The following TIMD4 variants were observed in gnomAD, a reference collection of about 807,000 sequenced individuals.
TIMD4 encodes T cell immunoglobulin and mucin domain containing 4.
TIMD4 carries 31 observed loss-of-function variants against 41.2 expected under a neutral mutation model. That is an observed-to-expected ratio of 0.75 (90% CI 0.57 to 1.01). The LOEUF (loss-of-function observed/expected upper bound fraction) is 1.01. TIMD4 is among the 50% of genes least tolerant of loss of function. The pLI, the probability that TIMD4 is intolerant of heterozygous loss-of-function variation, is 0.00. For synonymous variants in TIMD4, 204 were observed against 177.1 expected (o/e 1.15, Z -1.21); for missense variants, 479 against 472.5 (o/e 1.01, Z -0.13).
intron 6 of TIMD4, among the ~76,000 whole-genome samples, chr5:156,925,023 T>C (rs545046866): frequency 6.6e-6 from 1 of 152,094 alleles, no homozygotes; most frequent in South Asian, 2.1e-4. Context: ...AGAGAGAGAA[T>C]ATAGGCCAGG....
chr5:156,941,785 C>T (rs1190344962), intron 5 of TIMD4, among the ~76,000 whole-genome samples: 1 of 152,166 alleles, frequency 6.6e-6, no homozygotes, highest in Non-Finnish European at 1.5e-5. Context: ...TGTCCTATGC[C>T]ACATAAAGTG....
chr5:156,943,895 CAAA>C (rs70984420), intron 5 of TIMD4, among the ~76,000 whole-genome samples: 1 of 127,620 alleles, frequency 7.8e-6, no homozygotes, highest in African/African-American at 2.9e-5. Context: ...ACTAAAAATA[CAAA>C]AAAAAAAAAA....
chr5:156,920,634 G>C (rs967234486), intron 7 of TIMD4, 131 bp from the exon 8 acceptor site: 17 of 879,070 alleles, frequency 1.9e-5, no homozygotes, highest in Middle Eastern at 2.2e-4. Flanking sequence ...GGCTGGCTTT[G>C]GCAGAAAAAG....
chr5:156,952,130 A>G (rs1759873317), intron 2 of TIMD4, among the ~76,000 whole-genome samples: 1 of 151,946 alleles, frequency 6.6e-6, no homozygotes, highest in Non-Finnish European at 1.5e-5. Flanking sequence ...CCTCTACTAA[A>G]AATACAAAAA....
intron 5 of TIMD4, chr5:156,935,635 G>T (rs543415776): frequency 2.0e-5 from 3 of 152,154 alleles, no homozygotes; most frequent in Non-Finnish European, 2.9e-5. Flanking sequence ...CACATTTCAC[G>T]CAGATTAGGT....
intron 6 of TIMD4, 74 bp downstream of exon 6, chr5:156,926,189 C>T (rs1759344605): frequency 6.6e-7 from 1 of 1,505,342 alleles, no homozygotes; most frequent in Non-Finnish European, 9.2e-7. Context: ...TAGGCATGAG[C>T]CACCGTGCCT....
Position 156,919,451 on chromosome 5 carries a change from G to T in TIMD4, c.*6C>A. 1 of 1,612,578 alleles carries T rather than the reference G, an allele frequency of 6.2e-7. No homozygotes were observed. The highest frequency in any genetic ancestry group is 8.5e-7 in the Non-Finnish European group (1 of 1,178,652). On this transcript the variant is annotated 3_prime_UTR_variant, in exon 9 of 9. Coordinates refer to ENST00000274532, the MANE Select transcript of TIMD4 (RefSeq NM_138379.3). Reference sequence around the variant, plus strand: ...CCCATCCTCAATCTAACATGCTACTGCGTTGTTAGAGGGTAAAAAGGCCGT... The same window carrying T: ...CCCATCCTCAATCTAACATGCTACTTCGTTGTTAGAGGGTAAAAAGGCCGT...
At chr5:156,956,327 T>G (rs998376773) in intron 1 of TIMD4, among the ~76,000 whole-genome samples, 3 of 151,974 alleles carry the variant, frequency 2.0e-5, no homozygotes, top group African/African-American at 7.3e-5. Context: ...ATGGCAGCTG[T>G]GCCATAAAAA....
chr5:156,933,464 C>CA (rs1191902797), intron 5 of TIMD4, among the ~76,000 whole-genome samples: 2 of 151,130 alleles, frequency 1.3e-5, no homozygotes, highest in Admixed American at 6.6e-5. Flanking sequence ...CCAACCCCCC[C>CA]CCAAAAAAAG....
chr5:156,922,473 A>C (rs1490766746), intron 6 of TIMD4, among the ~76,000 whole-genome samples: 1 of 152,228 alleles, frequency 6.6e-6, no homozygotes, highest in African/African-American at 2.4e-5. Context: ...TGTGTTCTCC[A>C]TGGTCAAATC....
chr5:156,962,672 C>A (rs1248184757), intron 1 of TIMD4, among the ~76,000 whole-genome samples: 1 of 152,096 alleles, frequency 6.6e-6, no homozygotes, highest in African/African-American at 2.4e-5. Context: ...TTGCATCATC[C>A]AAAACCCAAA....
At chr5:156,951,005 CG>C (rs536935589) in intron 3 of TIMD4, among the ~76,000 whole-genome samples, 1,779 of 108,082 alleles carry the variant, frequency 0.016, 45 homozygotes, top group African/African-American at 0.049. Context: ...AACACCTCCT[CG>C]TACACACACA....
intron 3 of TIMD4, among the ~76,000 whole-genome samples, chr5:156,950,119 C>CT (rs11361881): frequency 1.3e-5 from 2 of 151,794 alleles, no homozygotes; most frequent in East Asian, 1.9e-4. Flanking sequence ...CACCTGGCCA[C>CT]TTTTTTTTTC....
intron 5 of TIMD4, among the ~76,000 whole-genome samples, chr5:156,934,283 T>C (rs1759499413): frequency 6.6e-6 from 1 of 152,032 alleles, no homozygotes; most frequent in Non-Finnish European, 1.5e-5. Context: ...TCTTGTTCTG[T>C]CGCCTAGGCT....
chr5:156,944,143 G>A (rs1759695600), intron 5 of TIMD4, among the ~76,000 whole-genome samples: 1 of 152,114 alleles, frequency 6.6e-6, no homozygotes, highest in South Asian at 2.1e-4. Context: ...CTTGAGGTAT[G>A]AGTTTGTATC....
chr5:156,927,965 T>C (rs1759378288), intron 5 of TIMD4, among the ~76,000 whole-genome samples: 1 of 152,162 alleles, frequency 6.6e-6, no homozygotes, highest in Non-Finnish European at 1.5e-5. Context: ...GAAATACTGA[T>C]TTGGGAGTCA....
intron 5 of TIMD4, among the ~76,000 whole-genome samples, chr5:156,941,381 C>T (rs564033572): frequency 1.1e-3 from 170 of 152,282 alleles, no homozygotes; most frequent in African/African-American, 2.1e-3. Flanking sequence ...ATTCTTTAGT[C>T]GATCATACAA....
rs778109353 is a variant in TIMD4 at position 156,954,466 on chromosome 5, G to C, written c.349C>G (p.Pro117Ala). ...ATCTTTACATCGTTGAACCAGCCAGGCACTTCTATGCGGCAGCAGTACACA... is the reference window on the plus strand; with the variant it reads ...ATCTTTACATCGTTGAACCAGCCAGCCACTTCTATGCGGCAGCAGTACACA... ...SGVYCCRIEV[P>A]GWFNDVKINV... The change falls in exon 2 of 9, where the codon CCT (proline) becomes GCT (alanine). Residue 117 changes from proline to alanine, a missense_variant. By Grantham distance (27) the Pro-to-Ala change is conservative. Coordinates refer to ENST00000274532, the MANE Select transcript of TIMD4 (RefSeq NM_138379.3). The C allele has an allele frequency of 6.2e-7, 1 of 1,614,212 alleles. No individual in the cohort carries two copies. The highest frequency in any genetic ancestry group is 8.5e-7 in the Non-Finnish European group (1 of 1,180,042).
intron 5 of TIMD4, among the ~76,000 whole-genome samples, chr5:156,927,411 A>G (rs778504643): frequency 7.7e-4 from 118 of 152,270 alleles, no homozygotes; most frequent in Non-Finnish European, 7.3e-4. Flanking sequence ...GCAAGTGGCC[A>G]TGAAGAGGTG....
Sources: allele counts gnomAD v4.1 joint callset (sites outside exome capture counted in the v4.1 genomes callset), GRCh38; gene constraint gnomAD v4.1.1; transcripts MANE v1.5; gene names NCBI Gene and HGNC (gene_info 2026-07-23, HGNC 2026-07-21).